PTPRD: variants seen among roughly 807,000 people sequenced by gnomAD.
PTPRD encodes protein tyrosine phosphatase receptor type D, also known as receptor-type tyrosine-protein phosphatase delta.
A neutral mutation model predicts 214.5 loss-of-function variants in PTPRD; 34 were observed. The observed-to-expected ratio is 0.16, with a 90% CI of 0.12 to 0.21. The LOEUF is 0.21. PTPRD is among the 10% of genes least tolerant of loss of function. The pLI is 1.00. For synonymous variants in PTPRD, 1,128 were observed against 845.7 expected (o/e 1.33, Z -5.79); for missense variants, 2,545 against 2,398.7 (o/e 1.06, Z -1.27).
chr9:10,101,806 G>C (rs1269402694), intron 3 of PTPRD, among the ~76,000 whole-genome samples: 1 of 151,722 alleles, frequency 6.6e-6, no homozygotes, highest in Non-Finnish European at 1.5e-5. Flanking sequence ...CACAGCTGCG[G>C]TATATTAGAG....
intron 7 of PTPRD, among the ~76,000 whole-genome samples, chr9:9,669,352 A>T (rs907980250): frequency 6.6e-6 from 1 of 152,178 alleles, no homozygotes; most frequent in Non-Finnish European, 1.5e-5. Context: ...GTATGGAATT[A>T]GTTCTGGACC....
intron 2 of PTPRD, among the ~76,000 whole-genome samples, chr9:10,546,485 G>A (rs2060199084): frequency 1.4e-5 from 1 of 71,542 alleles, no homozygotes. Flanking sequence ...CTGCAAAGAA[G>A]TAGGGGAATT....
rs192700115 is a variant in PTPRD at position 9,251,435 on chromosome 9, C to T, written c.-202-68072G>A. Among the ~76,000 whole-genome samples, 18 of 152,148 alleles carry T rather than the reference C, an allele frequency of 1.2e-4. No homozygotes were observed. The East Asian group carries it at 3.5e-3, about 30-fold the overall frequency. ...AGTTTTAAAGCTCTATGCCTTTGTA[C>T]ATGCTTTTTCCTTTATTTGGTAATT... On this transcript the variant is annotated intron_variant, in intron 9 of 45. Coordinates refer to ENST00000381196, the MANE Select transcript of PTPRD (RefSeq NM_002839.4).
chr9:10,169,473 C>CA (rs59335943), intron 3 of PTPRD, among the ~76,000 whole-genome samples: 10,348 of 66,346 alleles, frequency 0.16, 949 homozygotes, highest in Admixed American at 0.22. Flanking sequence ...GACTCTGTCT[C>CA]AAAAAAAAAA....
intron 5 of PTPRD, among the ~76,000 whole-genome samples, chr9:9,842,195 G>C (rs2058490491): frequency 6.6e-6 from 1 of 150,886 alleles, no homozygotes; most frequent in African/African-American, 2.4e-5. Context: ...GGCTTTTCAA[G>C]TCTGCTTCTT....
At chr9:10,600,723 G>A (rs1444131518) in intron 2 of PTPRD, among the ~76,000 whole-genome samples, 2 of 151,682 alleles carry the variant, frequency 1.3e-5, no homozygotes, top group Admixed American at 6.6e-5. Context: ...TATAGTAGGT[G>A]GTTCATCATG....
intron 8 of PTPRD, among the ~76,000 whole-genome samples, chr9:9,442,710 G>C (rs954945338): frequency 6.6e-6 from 1 of 152,142 alleles, no homozygotes; most frequent in Non-Finnish European, 1.5e-5. Flanking sequence ...TAAATCAAAA[G>C]CTGAAGAAAC....
intron 2 of PTPRD, among the ~76,000 whole-genome samples, chr9:10,458,513 C>G (rs746683811): frequency 6.6e-6 from 1 of 152,118 alleles, no homozygotes; most frequent in Non-Finnish European, 1.5e-5. Flanking sequence ...CAAAGCCTCT[C>G]AACAGTTTAG....
chr9:8,505,400 A>ATC (rs1311325574), intron 22 of PTPRD, among the ~76,000 whole-genome samples: 2 of 152,098 alleles, frequency 1.3e-5, no homozygotes, highest in Admixed American at 1.3e-4. Context: ...AGGCGGGCGG[A>ATC]ACATGAGGTC....
chr9:9,758,280 T>TTTTTTGA (rs2098608697), intron 6 of PTPRD, among the ~76,000 whole-genome samples: 1 of 152,108 alleles, frequency 6.6e-6, no homozygotes, highest in Non-Finnish European at 1.5e-5. Context: ...CGCTTGGCTT[T>TTTTTTGA]TGTATATTTT....
chr9:8,948,531 T>TTATATATATATATTTA (rs1229862431), intron 11 of PTPRD, among the ~76,000 whole-genome samples: 1 of 30,076 alleles, frequency 3.3e-5, no homozygotes, highest in African/African-American at 9.1e-5. Flanking sequence ...ATATATATAT[T>TTATATATATATATTTA]TATATATATA....
intron 7 of PTPRD, among the ~76,000 whole-genome samples, chr9:9,732,227 T>C (rs553024039): frequency 6.6e-6 from 1 of 152,218 alleles, no homozygotes; most frequent in Admixed American, 6.6e-5. Context: ...TTGAGATTTC[T>C]GGTATGTACT....
intron 10 of PTPRD, among the ~76,000 whole-genome samples, chr9:9,162,471 T>A (rs2154494509): frequency 6.6e-6 from 1 of 152,244 alleles, no homozygotes; most frequent in African/African-American, 2.4e-5. Flanking sequence ...AGCATACACC[T>A]TTTCCTTTGT....
chr9:9,401,444 G>A (rs1428173252), intron 8 of PTPRD, among the ~76,000 whole-genome samples: 1 of 152,016 alleles, frequency 6.6e-6, no homozygotes, highest in Non-Finnish European at 1.5e-5. Context: ...CCAGGACTTG[G>A]ACTGAAGTGG....
chr9:8,784,111 A>G (rs1320933450), intron 11 of PTPRD, among the ~76,000 whole-genome samples: 1 of 152,124 alleles, frequency 6.6e-6, no homozygotes, highest in African/African-American at 2.4e-5. Flanking sequence ...CTCTCACATT[A>G]CAGTATTTAT....
At position 9,883,543 on chromosome 9, in the gene PTPRD, T is replaced by C. The variant is rs923119565; in HGVS notation, c.-368+54964A>G. On this transcript the variant is annotated intron_variant, in intron 5 of 45. Coordinates refer to ENST00000381196, the MANE Select transcript of PTPRD (RefSeq NM_002839.4). ...CCCGGTTTTCACTCTCAGTGTTACATGGTCTCTTAATCAATTATGAATTTT... is the reference window on the plus strand; with the variant it reads ...CCCGGTTTTCACTCTCAGTGTTACACGGTCTCTTAATCAATTATGAATTTT... Among the ~76,000 whole-genome samples the C allele has an allele frequency of 1.1e-4, 17 of 152,130 alleles. No homozygotes were observed. In the East Asian group the frequency reaches 3.3e-3, roughly 29 times the overall value.
intron 4 of PTPRD, among the ~76,000 whole-genome samples, chr9:9,972,894 G>A (rs2095192543): frequency 6.6e-6 from 1 of 152,040 alleles, no homozygotes; most frequent in Non-Finnish European, 1.5e-5. Context: ...CTTTCCCATT[G>A]TAAGATCCTT....
intron 2 of PTPRD, among the ~76,000 whole-genome samples, chr9:10,377,442 C>T (rs1304042331): frequency 6.6e-6 from 1 of 151,642 alleles, no homozygotes; most frequent in Non-Finnish European, 1.5e-5. Flanking sequence ...CCTCCCCTCT[C>T]CCCCCACCCC....
At chr9:9,648,857 G>GA (rs2096263077) in intron 7 of PTPRD, among the ~76,000 whole-genome samples, 1 of 152,044 alleles carries the variant, frequency 6.6e-6, no homozygotes, top group African/African-American at 2.4e-5. Context: ...ATGGGAAACA[G>GA]AAAAATGAAA....
Sources: allele counts gnomAD v4.1 joint callset (sites outside exome capture counted in the v4.1 genomes callset), GRCh38; gene constraint gnomAD v4.1.1; transcripts MANE v1.5; gene names NCBI Gene and HGNC (gene_info 2026-07-23, HGNC 2026-07-21).